OR8G1: variants seen among roughly 807,000 people sequenced by gnomAD.
The protein encoded by OR8G1 is olfactory receptor family 8 subfamily G member 1, also known as olfactory receptor 8G1.
For synonymous variants in OR8G1, 129 were observed against 133.3 expected (o/e 0.97, Z 0.22); for missense variants, 372 against 356.2 (o/e 1.04, Z -0.36).
chr11:124,248,177 C>T lies in OR8G1; in HGVS notation c.-17+297C>T, dbSNP rs567384539. 4.9e-4 allele frequency among the ~76,000 whole-genome samples: 75 copies of T among 151,812 alleles called. No individual in the cohort carries two copies. The South Asian group carries it at 0.012, about 24-fold the overall frequency. On this transcript the variant is annotated intron_variant, in intron 2 of 2. Coordinates refer to ENST00000641972, the MANE Select transcript of OR8G1 (RefSeq NM_001002905.2). The stretch of plus-strand genomic sequence containing the variant: ...TACATATTTTTGTAAGGAATTTGTT[C>T]GGATATTTTCCTGTTTTTAAAATTT...
intron 1 of OR8G1, among the ~76,000 whole-genome samples, chr11:124,247,524 A>G (rs1328108923): frequency 6.6e-6 from 1 of 151,910 alleles, no homozygotes; most frequent in East Asian, 1.9e-4. Context: ...AAAAATTCTC[A>G]CAGAGAGAAA....
intron 1 of OR8G1, among the ~76,000 whole-genome samples, chr11:124,246,820 A>G (rs1413118559): frequency 6.6e-6 from 1 of 150,566 alleles, no homozygotes; most frequent in Non-Finnish European, 1.5e-5. Flanking sequence ...GATTGTATTC[A>G]TTGATTACAA....
At chr11:124,244,155 GGA>G (rs370927495) in intron 1 of OR8G1, among the ~76,000 whole-genome samples, 29 of 151,422 alleles carry the variant, frequency 1.9e-4, no homozygotes, top group African/African-American at 4.6e-4. Flanking sequence ...ATGGAGAGAG[GGA>G]GAGAGAGATG....
At chr11:124,242,564 T>A (rs1211721970) in intron 1 of OR8G1, among the ~76,000 whole-genome samples, 1 of 109,298 alleles carries the variant, frequency 9.1e-6, no homozygotes, top group Non-Finnish European at 1.9e-5. Context: ...TTCCCTACAT[T>A]TCAGTTCCAT....
rs368673636 is a variant in OR8G1 at position 124,246,013 on chromosome 11, A to C, written c.-96-1788A>C. Among the ~76,000 whole-genome samples the C allele has an allele frequency of 1.8e-4, 24 of 134,976 alleles. No individual in the cohort carries two copies. In the East Asian group the frequency reaches 2.7e-3, roughly 15 times the overall value. 88.5% of individuals were successfully genotyped at this position (134,976 alleles called of 152,430 possible). A position where few individuals can be genotyped will look rare whatever the true frequency, so the allele number is the denominator to read the frequency against. On this transcript the variant is annotated intron_variant, in intron 1 of 2. Transcript: ENST00000641972. ...TTCTTTTGCTGTGCAGAAGCTCTTT[A>C]GTTTAATTAGATCCCATTTGTCAAT...
rs1861885770 is a variant in OR8G1, at chr11:124,253,842, A to T, written c.*3231A>T. 6.6e-6 allele frequency: 1 copy of T among 152,100 alleles called. No homozygotes were observed. The highest frequency in any genetic ancestry group is 2.1e-4 in the South Asian group (1 of 4,820). 9.4% of individuals were successfully genotyped at this position (152,100 alleles called of 1,614,324 possible). ...TTCTGTGCCTGGCTTATTTCATGTA[A>T]TATAATGTCCTACAGGTTCATCTGT... On this transcript the variant is annotated 3_prime_UTR_variant, in exon 3 of 3. Transcript: ENST00000641972.
chr11:124,241,455 T>A (rs888529673), intron 1 of OR8G1, 91 bp downstream of exon 1: 6 of 152,262 alleles, frequency 3.9e-5, no homozygotes, highest in Admixed American at 6.6e-5. Flanking sequence ...TTCCTCATTA[T>A]CTTTACTTAT....
Position 124,251,440 on chromosome 11 carries a change from G to T in OR8G1, c.*829G>T. On this transcript the variant is annotated 3_prime_UTR_variant, in exon 3 of 3. Transcript: ENST00000641972. ...TCTAATTTAATTTATATTTCAAGTT[G>T]ATTAAAATTTACTTTAGAAGGTTCT... The T allele has an allele frequency of 1.1e-6, 1 of 944,572 alleles. No homozygotes were observed. Among genetic ancestry groups the T allele is most frequent in the South Asian group, 1.6e-5 (1 of 62,126 alleles). 58.5% of individuals were successfully genotyped at this position (944,572 alleles called of 1,614,324 possible).
chr11:124,246,420 T>C (rs1324936058), intron 1 of OR8G1, among the ~76,000 whole-genome samples: 1 of 151,932 alleles, frequency 6.6e-6, no homozygotes, highest in African/African-American at 2.4e-5. Context: ...GAATGGAGAA[T>C]AATGTGATTT....
chr11:124,253,188 A>AGGTG lies in OR8G1; in HGVS notation c.*2582_*2585dup, dbSNP rs1370505659. ...GTAGTCCCAGCACTTTGGGGAGCTG[A>AGGTG]GGTGGGTGAATCACTTCTGTTCAGG... On this transcript the variant is annotated 3_prime_UTR_variant, in exon 3 of 3. Transcript: ENST00000641972. 6.6e-6 allele frequency: 1 copy of AGGTG among 152,176 alleles called. No individual in the cohort carries two copies. The highest frequency in any genetic ancestry group is 1.5e-5 in the Non-Finnish European group (1 of 68,038). The allele number at this position is 152,176 out of a possible 1,614,324, so 9.4% of individuals were successfully genotyped here. A position where few individuals can be genotyped will look rare whatever the true frequency, so the allele number is the denominator to read the frequency against.
At chr11:124,248,675 T>G (rs534855992) in intron 2 of OR8G1, among the ~76,000 whole-genome samples, 1 of 152,206 alleles carries the variant, frequency 6.6e-6, no homozygotes, top group South Asian at 2.1e-4. Flanking sequence ...TATTTTAAAT[T>G]CCATATATTC....
Position 124,254,199 on chromosome 11 carries a change from A to G in OR8G1, c.*3588A>G, listed in dbSNP as rs1861889991. ...CACTTTCCTCCACATCCTCTCCAACAGTTATCCGTTCTCTTTTTGATAGTA... is the reference window on the plus strand; with the variant it reads ...CACTTTCCTCCACATCCTCTCCAACGGTTATCCGTTCTCTTTTTGATAGTA... On this transcript the variant is annotated 3_prime_UTR_variant, in exon 3 of 3. Coordinates refer to ENST00000641972, the MANE Select transcript of OR8G1 (RefSeq NM_001002905.2). 6.6e-6 allele frequency: 1 copy of G among 152,156 alleles called. No individual in the cohort carries two copies. The highest frequency in any genetic ancestry group is 6.6e-5 in the Admixed American group (1 of 15,264). The allele number at this position is 152,156 out of a possible 1,614,324, so 9.4% of individuals were successfully genotyped here. A position where few individuals can be genotyped will look rare whatever the true frequency, so the allele number is the denominator to read the frequency against.
intron 1 of OR8G1, among the ~76,000 whole-genome samples, chr11:124,246,492 T>C (rs781169553): frequency 2.1e-4 from 32 of 151,880 alleles, no homozygotes; most frequent in Non-Finnish European, 3.8e-4. Context: ...GATACATTAC[T>C]AAATCGTAAT....
In OR8G1 at chr11:124,252,784, A is replaced by T. The variant is rs2137752636; in HGVS notation, c.*2173A>T. 6.6e-6 allele frequency: 1 copy of T among 152,308 alleles called. No homozygotes were observed. Among genetic ancestry groups the T allele is most frequent in the African/African-American group, 2.4e-5 (1 of 41,576 alleles). 9.4% of individuals were successfully genotyped at this position (152,308 alleles called of 1,614,324 possible). A position where few individuals can be genotyped will look rare whatever the true frequency, so the allele number is the denominator to read the frequency against. On this transcript the variant is annotated 3_prime_UTR_variant, in exon 3 of 3. Transcript: ENST00000641972. ...TTCAAATTTCCAGCAAGTGCTTTGC[A>T]CTTTCACTCTGGAAACTTCTCCACA...
At position 124,249,916 on chromosome 11, in the gene OR8G1, A is replaced by G; in HGVS notation, c.241A>G (p.Met81Val). The G allele has an allele frequency of 1.9e-6, 3 of 1,613,994 alleles. No individual in the cohort carries two copies. The highest frequency in any genetic ancestry group is 1.7e-6 in the Non-Finnish European group (2 of 1,179,974). The change falls in exon 3 of 3, where the codon ATG becomes GTG. Residue 81 changes from methionine (M) to valine (V), a missense_variant. Physicochemically the swap from Met to Val is conservative, Grantham distance 21 (BLOSUM62 1). Transcript: ENST00000641972. ...CCATTCCACTGTCATTACCCCTAAG[A>G]TGCTGGTGAACTTTGTGACAGAGAA... ...FCHSTVITPK[M>V]LVNFVTEKNI...
At chr11:124,245,195 T>C (rs1591391197) in intron 1 of OR8G1, among the ~76,000 whole-genome samples, 6 of 138,242 alleles carry the variant, frequency 4.3e-5, no homozygotes, top group Admixed American at 2.5e-4. Context: ...CTCCAAAGTG[T>C]GATGTTCCCT....
At chr11:124,243,134 A>G (rs1053379751) in intron 1 of OR8G1, among the ~76,000 whole-genome samples, 3 of 152,040 alleles carry the variant, frequency 2.0e-5, no homozygotes, top group Non-Finnish European at 1.5e-5. Flanking sequence ...GATATTCATG[A>G]TGTTCAGTGA....
In OR8G1 at chr11:124,244,381, A is replaced by G. The variant is rs553524876; in HGVS notation, c.-97+3017A>G. Among the ~76,000 whole-genome samples the G allele has an allele frequency of 3.2e-4, 48 of 152,030 alleles. 1 individual carries two copies. The South Asian group carries it at 9.7e-3, about 31-fold the overall frequency. ...CCCTAGGTGACTCTGATGATTAACCATATTGGGAAATCCCTGAATTGATAA... is the reference window on the plus strand; with the variant it reads ...CCCTAGGTGACTCTGATGATTAACCGTATTGGGAAATCCCTGAATTGATAA... On this transcript the variant is annotated intron_variant, in intron 1 of 2. Coordinates refer to ENST00000641972, the MANE Select transcript of OR8G1 (RefSeq NM_001002905.2).
At chr11:124,245,235 A>G (rs1217844227) in intron 1 of OR8G1, among the ~76,000 whole-genome samples, 5 of 142,024 alleles carry the variant, frequency 3.5e-5, no homozygotes, top group Admixed American at 7.6e-5. Context: ...TCATTGTTCA[A>G]TTCCCACCTA....
Sources: gnomAD v4.1 joint callset for allele counts (sites outside exome capture counted in the v4.1 genomes callset) on GRCh38, gnomAD v4.1.1 for gene constraint, MANE v1.5 for transcripts, NCBI Gene and HGNC (gene_info 2026-07-23, HGNC 2026-07-21) for gene names.